The following NSMCE2 variants were observed in gnomAD, a reference collection of about 807,000 sequenced individuals.
NSMCE2 encodes the protein E3 SUMO-protein ligase NSE2.
A neutral mutation model predicts 23.8 loss-of-function variants in NSMCE2; 24 were observed. That is an observed-to-expected ratio of 1.01 (90% CI 0.73 to 1.42). The LOEUF (loss-of-function observed/expected upper bound fraction) is 1.42. NSMCE2 is among the 40% of genes most tolerant of loss of function. The pLI, the probability that NSMCE2 is intolerant of heterozygous loss-of-function variation, is 0.00. For synonymous variants in NSMCE2, 92 were observed against 94.1 expected, an observed-to-expected ratio of 0.98 and a Z score of 0.13; for missense variants, 284 against 296.5, an observed-to-expected ratio of 0.96 and a Z score of 0.31.
intron 5 of NSMCE2, among the ~76,000 whole-genome samples, chr8:125,285,988 A>G (rs547613191): frequency 2.2e-3 from 335 of 151,974 alleles, no homozygotes; most frequent in African/African-American, 7.7e-3. Context: ...TTGGAATCCC[A>G]TTTTTACAGC....
At chr8:125,161,046 G>C in intron 4 of NSMCE2, among the ~76,000 whole-genome samples, 1 of 152,174 alleles carries the variant, frequency 6.6e-6, no homozygotes, top group Admixed American at 6.5e-5. Flanking sequence ...GAGAGTATGT[G>C]AATGGATTTT....
intron 5 of NSMCE2, among the ~76,000 whole-genome samples, chr8:125,332,371 T>G (rs1273367950): frequency 6.6e-6 from 1 of 152,210 alleles, no homozygotes; most frequent in Non-Finnish European, 1.5e-5. Context: ...ATGCTAATAG[T>G]ATTGTATGGT....
rs1393230251 is a variant in NSMCE2 at position 125,182,023 on chromosome 8, A to C, written c.265-80A>C. 2.9e-6 allele frequency: 3 copies of C among 1,024,206 alleles called. No individual in the cohort carries two copies. In the East Asian group the frequency reaches 7.3e-5, roughly 25 times the overall value. 63.4% of individuals were successfully genotyped at this position (1,024,206 alleles called of 1,614,324 possible). A position where few individuals can be genotyped will look rare whatever the true frequency, so the allele number is the denominator to read the frequency against. ...ACTATCTTTTGCTTTGAATTATCTGAGATAAAAACAATGTTGCAAAACTTT... is the reference window on the plus strand; with the variant it reads ...ACTATCTTTTGCTTTGAATTATCTGCGATAAAAACAATGTTGCAAAACTTT... On this transcript the variant is annotated intron_variant, in intron 4 of 7. Transcript: ENST00000287437.
rs181791124 is a variant in NSMCE2 at position 125,180,620 on chromosome 8, T to A, written c.265-1483T>A. On this transcript the variant is annotated intron_variant, in intron 4 of 7. Coordinates refer to ENST00000287437, the MANE Select transcript of NSMCE2 (RefSeq NM_173685.4). ...CTGACTAGAACCAATATCAAGAATT[T>A]TCTGTATCTAACTTGTAGTCTTAGC... 5.2e-4 allele frequency among the ~76,000 whole-genome samples: 79 copies of A among 152,350 alleles called. 1 individual carries two copies. The highest frequency in any genetic ancestry group is 7.4e-4 in the Non-Finnish European group (50 of 68,022).
chr8:125,128,519 C>T (rs1006638021), intron 3 of NSMCE2, among the ~76,000 whole-genome samples: 1 of 152,198 alleles, frequency 6.6e-6, no homozygotes, highest in Non-Finnish European at 1.5e-5. Context: ...GCCCCATTTT[C>T]TAAGGTGGTG....
At chr8:125,343,149 G>A (rs1031649844) in intron 5 of NSMCE2, among the ~76,000 whole-genome samples, 7 of 152,102 alleles carry the variant, frequency 4.6e-5, no homozygotes, top group African/African-American at 1.7e-4. Context: ...TAAATCCTAT[G>A]GGGCGACATA....
At chr8:125,183,402 A>G (rs1052026704) in intron 5 of NSMCE2, among the ~76,000 whole-genome samples, 4 of 149,722 alleles carry the variant, frequency 2.7e-5, no homozygotes, top group East Asian at 2.0e-4. Context: ...TTTTAAGTTT[A>G]TTTTTGTTCT....
intron 5 of NSMCE2, among the ~76,000 whole-genome samples, chr8:125,352,075 G>C (rs1813058158): frequency 6.6e-6 from 1 of 152,162 alleles, no homozygotes; most frequent in Non-Finnish European, 1.5e-5. Context: ...TAACAATATA[G>C]TTATTCTTCA....
intron 5 of NSMCE2, among the ~76,000 whole-genome samples, chr8:125,307,430 G>A (rs1249110141): frequency 3.9e-5 from 6 of 152,218 alleles, no homozygotes; most frequent in Non-Finnish European, 7.3e-5. Context: ...TCTTTTCTCC[G>A]TGGCTGAACT....
intron 3 of NSMCE2, among the ~76,000 whole-genome samples, 167 bp from the exon 4 acceptor site, chr8:125,150,999 GTTTTT>G (rs540205322): frequency 6.6e-6 from 1 of 151,476 alleles, no homozygotes; most frequent in Non-Finnish European, 1.5e-5. Context: ...TGGTGAGGAG[GTTTTT>G]TTTATTTTTT....
At chr8:125,306,234 G>A (rs142967531) in intron 5 of NSMCE2, among the ~76,000 whole-genome samples, 42 of 152,116 alleles carry the variant, frequency 2.8e-4, no homozygotes, top group African/African-American at 9.2e-4. Context: ...GGAGGCTGAG[G>A]CGAGAGGATG....
At chr8:125,348,077 T>A in intron 5 of NSMCE2, 1 of 152,196 alleles carries the variant, frequency 6.6e-6, no homozygotes, top group Non-Finnish European at 1.5e-5. Context: ...AAGAACACTT[T>A]GCTTTGTAGG....
intron 5 of NSMCE2, among the ~76,000 whole-genome samples, chr8:125,344,892 CTG>C (rs1830379609): frequency 6.6e-6 from 1 of 151,868 alleles, no homozygotes; most frequent in Non-Finnish European, 1.5e-5. Context: ...TCTAGAGAAA[CTG>C]AGATTTTGTG....
chr8:125,362,220 G>A (rs546375089), intron 7 of NSMCE2, among the ~76,000 whole-genome samples: 1 of 152,184 alleles, frequency 6.6e-6, no homozygotes, highest in South Asian at 2.1e-4. Context: ...GAATGCTTAC[G>A]GAGACAGTTG....
chr8:125,341,897 G>GAAAAAAAAAAAA (rs61204647), intron 5 of NSMCE2, among the ~76,000 whole-genome samples: 1 of 83,236 alleles, frequency 1.2e-5, no homozygotes, highest in Non-Finnish European at 2.3e-5. Flanking sequence ...TCTAGAAATG[G>GAAAAAAAAAAAA]AAAAAAAAAA....
At chr8:125,138,364 T>C (rs1820176371) in intron 3 of NSMCE2, among the ~76,000 whole-genome samples, 2 of 152,110 alleles carry the variant, frequency 1.3e-5, no homozygotes, top group South Asian at 2.1e-4. Context: ...GCTGGGACTT[T>C]ACAGGTGCAT....
chr8:125,298,252 C>T (rs940632499), intron 5 of NSMCE2, among the ~76,000 whole-genome samples: 8 of 152,078 alleles, frequency 5.3e-5, no homozygotes, highest in African/African-American at 1.9e-4. Flanking sequence ...AGTGAAAGTC[C>T]ATCTCAAAAA....
intron 3 of NSMCE2, among the ~76,000 whole-genome samples, chr8:125,114,145 A>G (rs1243377828): frequency 6.6e-6 from 1 of 151,444 alleles, no homozygotes; most frequent in Non-Finnish European, 1.5e-5. Context: ...CCTTCATCCC[A>G]CTCCTTTCAG....
chr8:125,366,199 CA>C (rs1813783866), intron 7 of NSMCE2, among the ~76,000 whole-genome samples: 1 of 152,296 alleles, frequency 6.6e-6, no homozygotes, highest in East Asian at 1.9e-4. Flanking sequence ...GAACTTGCAG[CA>C]AGCATTTATT....
Sources: allele counts gnomAD v4.1 joint callset (sites outside exome capture counted in the v4.1 genomes callset), GRCh38; gene constraint gnomAD v4.1.1; transcripts MANE v1.5; gene names NCBI Gene and HGNC (gene_info 2026-07-23, HGNC 2026-07-21).